PPFIBP2: variants seen among roughly 807,000 people sequenced by gnomAD.
The protein encoded by PPFIBP2 is PPFIB scaffold protein 2.
In PPFIBP2, 118 loss-of-function variants were observed where a neutral mutation model predicts 118.3. The observed-to-expected ratio is 1.00, with a 90% CI of 0.86 to 1.16. The LOEUF is 1.16. PPFIBP2 is among the 50% of genes most tolerant of loss of function. PPFIBP2 has a pLI of 0.00. For synonymous variants in PPFIBP2, 414 were observed against 397.4 expected (o/e 1.04, Z -0.50); for missense variants, 1,195 against 1,073.1 (o/e 1.11, Z -1.59).
chr11:7,634,331 C>G (rs1297464148), intron 12 of PPFIBP2, among the ~76,000 whole-genome samples, 164 bp from the exon 13 acceptor site: 1 of 152,200 alleles, frequency 6.6e-6, no homozygotes, highest in Non-Finnish European at 1.5e-5. Flanking sequence ...CCAAGGTGGG[C>G]CAGTCTCATT....
At chr11:7,665,357 C>T in the PPFIBP2 span, 1 of 1,485,414 alleles carries the variant, frequency 6.7e-7, no homozygotes, top group Non-Finnish European at 9.0e-7. Flanking sequence ...TGCAAAATTG[C>T]TGAGCACGTG....
chr11:7,592,615 T>A (rs1394997569), intron 3 of PPFIBP2, among the ~76,000 whole-genome samples: 2 of 152,198 alleles, frequency 1.3e-5, no homozygotes, highest in Non-Finnish European at 2.9e-5. Flanking sequence ...TCCTCCATCC[T>A]TCATGCTCAC....
intron 3 of PPFIBP2, among the ~76,000 whole-genome samples, chr11:7,588,962 T>C (rs902865001): frequency 6.6e-6 from 1 of 152,206 alleles, no homozygotes; most frequent in Admixed American, 6.5e-5. Context: ...GATCACATGG[T>C]TCTCACTATA....
chr11:7,599,772 A>T (rs1215205154), intron 5 of PPFIBP2, among the ~76,000 whole-genome samples: 1 of 149,738 alleles, frequency 6.7e-6, no homozygotes, highest in African/African-American at 2.5e-5. Context: ...CTGGGACTAC[A>T]GGTGCCTGCC....
At chr11:7,626,068 T>C (rs1849965670) in intron 8 of PPFIBP2, among the ~76,000 whole-genome samples, 177 bp downstream of exon 8, 1 of 152,226 alleles carries the variant, frequency 6.6e-6, no homozygotes, top group Admixed American at 6.5e-5. Context: ...AGTTTGTGTG[T>C]TTGTGTGTGT....
chr11:7,649,688 C>T, intron 21 of PPFIBP2, 34 bp downstream of exon 21: 1 of 1,612,720 alleles, frequency 6.2e-7, no homozygotes, highest in Middle Eastern at 1.7e-4. Flanking sequence ...CCAGGTAGCC[C>T]TGAGCCAGGA....
chr11:7,628,637 A>G (rs981504574), intron 9 of PPFIBP2, among the ~76,000 whole-genome samples: 7 of 152,162 alleles, frequency 4.6e-5, no homozygotes, highest in Admixed American at 3.9e-4. Context: ...TGCCAATATC[A>G]TAGCTCCTGC....
At chr11:7,654,616 G>A (rs990854369), downstream of PPFIBP2, among the ~76,000 whole-genome samples, 1 of 152,248 alleles carries the variant, frequency 6.6e-6, no homozygotes, top group African/African-American at 2.4e-5. Flanking sequence ...AGCTGGCAAT[G>A]CTGCTGATAG....
At chr11:7,638,722 C>G (rs1000072734) in intron 14 of PPFIBP2, among the ~76,000 whole-genome samples, 8 of 152,182 alleles carry the variant, frequency 5.3e-5, no homozygotes, top group Non-Finnish European at 7.4e-5. Context: ...TTTCTCTTTT[C>G]TTTTATTCTC....
intron 17 of PPFIBP2, among the ~76,000 whole-genome samples, chr11:7,644,728 C>G (rs554194938): frequency 6.6e-6 from 1 of 152,130 alleles, no homozygotes; most frequent in Admixed American, 6.5e-5. Flanking sequence ...GAAAATTTTG[C>G]CTAAAAAAGG....
intron 18 of PPFIBP2, 43 bp from the exon 19 acceptor site, chr11:7,648,757 G>T: frequency 6.3e-7 from 1 of 1,585,434 alleles, no homozygotes; most frequent in Non-Finnish European, 8.7e-7. Flanking sequence ...GGGCCAAATT[G>T]CCTGCCAAAA....
At chr11:7,643,928 C>A (rs979586841) in intron 17 of PPFIBP2, among the ~76,000 whole-genome samples, 3 of 152,164 alleles carry the variant, frequency 2.0e-5, no homozygotes, top group Admixed American at 6.5e-5. Flanking sequence ...TACAGAGTTA[C>A]ATTCCAGTCA....
At chr11:7,666,631 C>T in the PPFIBP2 span, 7 of 1,010,476 alleles carry the variant, frequency 6.9e-6, no homozygotes, top group Non-Finnish European at 9.0e-6. Context: ...TCAGCATACT[C>T]CTGGCCAAAG....
chr11:7,543,010 AGTCT>A (rs1402444884), intron 1 of PPFIBP2, among the ~76,000 whole-genome samples: 1 of 152,236 alleles, frequency 6.6e-6, no homozygotes, highest in Non-Finnish European at 1.5e-5. Flanking sequence ...TTTTCACTCA[AGTCT>A]GTCTGTATAT....
At chr11:7,621,087 A>T in intron 7 of PPFIBP2, 60 bp downstream of exon 7, 1 of 1,365,636 alleles carries the variant, frequency 7.3e-7, no homozygotes. Context: ...GAGGGTCTGC[A>T]TTCCAACTTG....
the PPFIBP2 span, chr11:7,665,314 TTGAACTTACTC>T: frequency 9.5e-6 from 13 of 1,362,632 alleles, no homozygotes; most frequent in Middle Eastern, 3.7e-4. Context: ...CGTGGTGAAA[TTGAACTTACTC>T]TGAAACAGAT....
At chr11:7,518,862 G>A (rs748823824) in intron 1 of PPFIBP2, among the ~76,000 whole-genome samples, 12 of 152,220 alleles carry the variant, frequency 7.9e-5, no homozygotes, top group Non-Finnish European at 1.5e-4. Context: ...CAAAGATGGC[G>A]CTCGAGCGAG....
At chr11:7,558,078 G>A (rs1402826168) in intron 2 of PPFIBP2, among the ~76,000 whole-genome samples, 20 of 152,182 alleles carry the variant, frequency 1.3e-4, no homozygotes, top group Admixed American at 1.3e-3. Context: ...GATAGGCTAA[G>A]TTATATTGCA....
intron 1 of PPFIBP2, among the ~76,000 whole-genome samples, chr11:7,537,030 T>C (rs1358790095): frequency 6.6e-6 from 1 of 152,074 alleles, no homozygotes; most frequent in African/African-American, 2.4e-5. Context: ...AGAGAGATCC[T>C]TGAGCTCCTT....
Sources: allele counts gnomAD v4.1 joint callset (sites outside exome capture counted in the v4.1 genomes callset), GRCh38; gene constraint gnomAD v4.1.1; transcripts MANE v1.5; gene names NCBI Gene and HGNC (gene_info 2026-07-23, HGNC 2026-07-21).